The following DCC variants were observed in gnomAD, a reference collection of about 807,000 sequenced individuals.
DCC encodes the protein netrin receptor DCC.
Under a neutral mutation model 172.5 loss-of-function variants are expected in DCC, and 58 were observed. The observed-to-expected ratio is 0.34, with a 90% confidence interval of 0.27 to 0.42. The LOEUF is 0.42. DCC is among the 10% of genes least tolerant of loss of function. The pLI is 1.00. For missense variants in DCC, 1,740 were observed against 1,791.0 expected (o/e 0.97, Z 0.51); for synonymous variants, 709 against 644.5 (o/e 1.10, Z -1.52).
chr18:53,255,470 GT>G (rs2056495223), intron 12 of DCC, among the ~76,000 whole-genome samples: 2 of 148,986 alleles, frequency 1.3e-5, no homozygotes, highest in African/African-American at 5.0e-5. Context: ...GTGGTGTTTG[GT>G]TTTTTGTCTT....
At chr18:52,449,107 G>C (rs1292023419) in intron 1 of DCC, among the ~76,000 whole-genome samples, 1 of 152,076 alleles carries the variant, frequency 6.6e-6, no homozygotes, top group Non-Finnish European at 1.5e-5. Context: ...ATGGCAACAG[G>C]CAAAAAAGGA....
At chr18:53,424,353 G>A (rs899748800) in intron 21 of DCC, among the ~76,000 whole-genome samples, 1 of 152,138 alleles carries the variant, frequency 6.6e-6, no homozygotes, top group Non-Finnish European at 1.5e-5. Context: ...CCAGTACTGT[G>A]CTGGCACTAG....
intron 12 of DCC, among the ~76,000 whole-genome samples, chr18:53,274,847 G>T (rs1156973909): frequency 6.6e-6 from 1 of 152,054 alleles, no homozygotes; most frequent in Non-Finnish European, 1.5e-5. Context: ...TCAATCTTCA[G>T]ATTAGTCAAA....
chr18:52,836,145 G>A (rs1480221345), intron 2 of DCC, among the ~76,000 whole-genome samples: 2 of 152,142 alleles, frequency 1.3e-5, no homozygotes, highest in African/African-American at 2.4e-5. Context: ...CATGAGAACA[G>A]GATGGGGGAA....
intron 2 of DCC, among the ~76,000 whole-genome samples, chr18:52,781,417 T>TGA (rs1568099207): frequency 1.3e-5 from 2 of 151,946 alleles, no homozygotes; most frequent in African/African-American, 4.8e-5. Flanking sequence ...CTATCTGAGC[T>TGA]TGATTACAAG....
chr18:53,089,442 C>T (rs1365842962), intron 7 of DCC, among the ~76,000 whole-genome samples: 1 of 152,036 alleles, frequency 6.6e-6, no homozygotes, highest in Non-Finnish European at 1.5e-5. Flanking sequence ...TCTACTTCTG[C>T]CTCATTGTCT....
At chr18:53,041,719 AGGTCCTTC>A (rs1185515389) in intron 5 of DCC, among the ~76,000 whole-genome samples, 6 of 151,980 alleles carry the variant, frequency 3.9e-5, no homozygotes, top group African/African-American at 1.2e-4. Context: ...CTCCTTGAAG[AGGTCCTTC>A]ACATCCTTTG....
intron 2 of DCC, among the ~76,000 whole-genome samples, chr18:52,767,416 C>T (rs2037271362): frequency 6.6e-6 from 1 of 152,182 alleles, no homozygotes. Flanking sequence ...TGGCCAGCTA[C>T]TCCAGGCAGC....
intron 1 of DCC, among the ~76,000 whole-genome samples, chr18:52,670,834 C>T (rs1271576445): frequency 6.6e-6 from 1 of 151,356 alleles, no homozygotes; most frequent in African/African-American, 2.4e-5. Flanking sequence ...GAGCAAAACT[C>T]CATCTCAAAA....
intron 14 of DCC, among the ~76,000 whole-genome samples, chr18:53,330,458 G>A (rs975361631): frequency 4.6e-5 from 7 of 152,094 alleles, no homozygotes; most frequent in African/African-American, 1.2e-4. Context: ...CTTTATGTCA[G>A]GCTCACATCA....
intron 12 of DCC, among the ~76,000 whole-genome samples, chr18:53,245,439 A>G (rs1182081218): frequency 6.6e-6 from 1 of 152,136 alleles, no homozygotes; most frequent in East Asian, 1.9e-4. Context: ...CACCTGCCCT[A>G]CAGAGTTTTT....
At chr18:52,878,721 C>T (rs944416734) in intron 2 of DCC, among the ~76,000 whole-genome samples, 3 of 152,148 alleles carry the variant, frequency 2.0e-5, no homozygotes, top group Non-Finnish European at 2.9e-5. Flanking sequence ...GGACGGGTCA[C>T]TTGTGTCTCT....
Position 53,443,967 on chromosome 18 carries a change from G to A in DCC, c.3230-6533G>A, listed in dbSNP as rs997296430. Reference sequence around the variant, plus strand: ...CTCATGATAAAATTTTAACAGATGAGGAGTTGTTTCCTATGGAGGAGCAAA... The same window carrying A: ...CTCATGATAAAATTTTAACAGATGAAGAGTTGTTTCCTATGGAGGAGCAAA... On this transcript the variant is annotated intron_variant, in intron 22 of 28. Coordinates refer to ENST00000442544, the MANE Select transcript of DCC (RefSeq NM_005215.4). Among the ~76,000 whole-genome samples the A allele has an allele frequency of 2.0e-5, 3 of 152,184 alleles. No homozygotes were observed. In the East Asian group the frequency reaches 5.8e-4, roughly 29 times the overall value.
At chr18:52,360,996 C>T (rs1183621299) in intron 1 of DCC, among the ~76,000 whole-genome samples, 5 of 152,290 alleles carry the variant, frequency 3.3e-5, no homozygotes, top group Admixed American at 1.3e-4. Context: ...TATTCTATTA[C>T]TTACAAGCTT....
intron 5 of DCC, among the ~76,000 whole-genome samples, chr18:53,053,500 T>G (rs2144046194): frequency 6.6e-6 from 1 of 152,264 alleles, no homozygotes; most frequent in African/African-American, 2.4e-5. Context: ...TGTGTTATAA[T>G]CTACCATTCC....
rs796098332 is a variant in DCC at position 52,388,580 on chromosome 18, G to GA, written c.91+47713dup. Among the ~76,000 whole-genome samples the GA allele has an allele frequency of 2.2e-3, 309 of 143,230 alleles. 1 individual carries two copies. Among genetic ancestry groups the GA allele is most frequent in the African/African-American group, 4.5e-3 (175 of 39,236 alleles). The allele number at this position is 143,230 out of a possible 152,430, so 94.0% of individuals were successfully genotyped here. A position where few individuals can be genotyped will look rare whatever the true frequency, so the allele number is the denominator to read the frequency against. ...TCCAGTACTTTTAGAATGTGTAGGG[G>GA]AAAAAAAAAAACCTTTGCTAGGAGT... On this transcript the variant is annotated intron_variant, in intron 1 of 28. Transcript: ENST00000442544.
intron 24 of DCC, among the ~76,000 whole-genome samples, chr18:53,466,738 C>T (rs2045626326): frequency 6.6e-6 from 1 of 152,114 alleles, no homozygotes; most frequent in Non-Finnish European, 1.5e-5. Flanking sequence ...TTTGGCCAGG[C>T]TGGTCTCGAA....
chr18:52,819,108 C>T (rs554859196), intron 2 of DCC, among the ~76,000 whole-genome samples: 2 of 152,088 alleles, frequency 1.3e-5, no homozygotes, highest in Non-Finnish European at 2.9e-5. Context: ...AAATATTTTG[C>T]ATGTAGGTAA....
At chr18:52,931,342 A>G (rs1043800965) in intron 5 of DCC, among the ~76,000 whole-genome samples, 5 of 152,264 alleles carry the variant, frequency 3.3e-5, no homozygotes, top group African/African-American at 1.2e-4. Context: ...TTAAGAATTT[A>G]ATCATATTTG....
Sources: allele counts gnomAD v4.1 joint callset (sites outside exome capture counted in the v4.1 genomes callset), GRCh38; gene constraint gnomAD v4.1.1; transcripts MANE v1.5; gene names NCBI Gene and HGNC (gene_info 2026-07-23, HGNC 2026-07-21).